The following SKP2 variants were observed in gnomAD, a reference collection of about 807,000 sequenced individuals.
The protein encoded by SKP2 is S-phase kinase-associated protein 2.
Under a neutral mutation model 51.8 loss-of-function variants are expected in SKP2, and 16 were observed. That is an observed-to-expected ratio of 0.31 (90% CI 0.21 to 0.47). The LOEUF (loss-of-function observed/expected upper bound fraction) is 0.47. SKP2 is among the 20% of genes least tolerant of loss of function. The pLI is 1.00. For missense variants in SKP2, 377 were observed against 505.3 expected, an observed-to-expected ratio of 0.75 and a Z score of 2.43; for synonymous variants, 176 against 198.6, an observed-to-expected ratio of 0.89 and a Z score of 0.96.
At chr5:36,170,901 T>C (rs1346285945) in intron 6 of SKP2, among the ~76,000 whole-genome samples, 1 of 152,196 alleles carries the variant, frequency 6.6e-6, no homozygotes, top group Non-Finnish European at 1.5e-5. Context: ...GTTACAGATA[T>C]TGCTAAGTGA....
chr5:36,165,318 C>T (rs774865671), intron 3 of SKP2, among the ~76,000 whole-genome samples: 7 of 152,108 alleles, frequency 4.6e-5, no homozygotes, highest in African/African-American at 7.2e-5. Flanking sequence ...TTATGCTTGG[C>T]TTAGGGTTCA....
chr5:36,183,667 TTAAC>T lies in SKP2; in HGVS notation c.*1638_*1641del. On this transcript the variant is annotated 3_prime_UTR_variant, in exon 10 of 10. Coordinates refer to ENST00000274255, the MANE Select transcript of SKP2 (RefSeq NM_005983.4). ...AAAAAGCTAACACCAGTCATTTATA[TTAAC>T]TTTTTTTTTTTAAATCAAAAATTGT... 1 of 1,246,296 alleles carries T rather than the reference TTAAC, an allele frequency of 8.0e-7. No homozygotes were observed. The highest frequency in any genetic ancestry group is 3.1e-4 in the Middle Eastern group (1 of 3,206). The allele number at this position is 1,246,296 out of a possible 1,614,324, so 77.2% of individuals were successfully genotyped here.
At position 36,182,091 on chromosome 5, in the gene SKP2, A is replaced by G. The variant is rs1745829787; in HGVS notation, c.*60A>G. ...ACAGGGAAAATAGGCAGGAAGCCCA[A>G]TTGCTGGAGTACTTAGCTAGTTTTA... On this transcript the variant is annotated 3_prime_UTR_variant, in exon 10 of 10. Coordinates refer to ENST00000274255, the MANE Select transcript of SKP2 (RefSeq NM_005983.4). 1 of 1,582,426 alleles carries G rather than the reference A, an allele frequency of 6.3e-7. No homozygotes were observed. The highest frequency in any genetic ancestry group is 8.6e-7 in the Non-Finnish European group (1 of 1,162,288).
At chr5:36,191,584 G>A (rs906748157) in intron 6 of SKP2, among the ~76,000 whole-genome samples, 1 of 152,024 alleles carries the variant, frequency 6.6e-6, no homozygotes, top group Non-Finnish European at 1.5e-5. Flanking sequence ...TTTATTTCTG[G>A]ATAAAGCGCT....
At chr5:36,173,298 A>G (rs1183414516) in intron 7 of SKP2, among the ~76,000 whole-genome samples, 1 of 152,182 alleles carries the variant, frequency 6.6e-6, no homozygotes. Context: ...CTTTAGATGC[A>G]TTTCTAAGGA....
chr5:36,154,540 A>C (rs1356781858), intron 2 of SKP2, among the ~76,000 whole-genome samples: 5 of 152,074 alleles, frequency 3.3e-5, no homozygotes, highest in Admixed American at 6.5e-5. Context: ...TCTTTTTTAA[A>C]TTTCATATTT....
intron 3 of SKP2, among the ~76,000 whole-genome samples, chr5:36,166,126 A>G (rs1561535309): frequency 6.6e-6 from 1 of 152,214 alleles, no homozygotes; most frequent in South Asian, 2.1e-4. Context: ...AAAAGTGTCA[A>G]ATAGATTTAA....
chr5:36,183,684 A>C lies in SKP2; in HGVS notation c.*1653A>C, dbSNP rs1394540486. 1 of 1,251,666 alleles carries C rather than the reference A, an allele frequency of 8.0e-7. No individual in the cohort carries two copies. The highest frequency in any genetic ancestry group is 1.0e-6 in the Non-Finnish European group (1 of 990,870). The allele number at this position is 1,251,666 out of a possible 1,614,324, so 77.5% of individuals were successfully genotyped here. A position where few individuals can be genotyped will look rare whatever the true frequency, so the allele number is the denominator to read the frequency against. ...CATTTATATTAACTTTTTTTTTTTA[A>C]ATCAAAAATTGTTAATGTTAGAAAC... On this transcript the variant is annotated 3_prime_UTR_variant, in exon 10 of 10. Transcript: ENST00000274255.
chr5:36,171,061 G>A (rs1437664621), intron 6 of SKP2, among the ~76,000 whole-genome samples: 2 of 152,192 alleles, frequency 1.3e-5, no homozygotes, highest in Non-Finnish European at 2.9e-5. Flanking sequence ...TGTTATCAGT[G>A]AGATCAAATG....
chr5:36,165,076 A>G (rs1215081551), intron 3 of SKP2, among the ~76,000 whole-genome samples: 2 of 152,184 alleles, frequency 1.3e-5, no homozygotes, highest in East Asian at 3.9e-4. Context: ...GTTAAACTTC[A>G]TCTCAGTTGT....
At chr5:36,154,576 C>T (rs1022399057) in intron 2 of SKP2, among the ~76,000 whole-genome samples, 2 of 152,126 alleles carry the variant, frequency 1.3e-5, no homozygotes, top group Non-Finnish European at 2.9e-5. Flanking sequence ...GCTCTGTTGC[C>T]CAGGCTGGAA....
intron 1 of SKP2, 100 bp from the exon 2 acceptor site, chr5:36,152,671 A>G: frequency 1.6e-6 from 2 of 1,266,024 alleles, no homozygotes; most frequent in Middle Eastern, 2.8e-4. Context: ...GCTGCTGTGA[A>G]GGTTTCCTAC....
chr5:36,177,967 C>T (rs1745687549), intron 9 of SKP2, among the ~76,000 whole-genome samples: 1 of 152,074 alleles, frequency 6.6e-6, no homozygotes, highest in African/African-American at 2.4e-5. Context: ...TTTACCTGCT[C>T]AGCAACTTCC....
chr5:36,152,330 G>T, intron 1 of SKP2, 60 bp downstream of exon 1: 1 of 1,479,028 alleles, frequency 6.8e-7, no homozygotes, highest in South Asian at 1.1e-5. Flanking sequence ...ATTCTTTTAG[G>T]CCGCGAATAT....
chr5:36,163,636 C>T lies in SKP2; in HGVS notation c.281-9C>T. ...ATGGTGATGGCAAACACTTGTTTTCCCTCCAAAGGTGTTTCATGGGACTCC... is the reference window on the plus strand; with the variant it reads ...ATGGTGATGGCAAACACTTGTTTTCTCTCCAAAGGTGTTTCATGGGACTCC... On this transcript the variant is annotated splice_polypyrimidine_tract_variant and intron_variant, in intron 2 of 9. Coordinates refer to ENST00000274255, the MANE Select transcript of SKP2 (RefSeq NM_005983.4). 6.4e-7 allele frequency: 1 copy of T among 1,570,834 alleles called. No individual in the cohort carries two copies.
At chr5:36,153,221 TA>T (rs1744812822) in intron 2 of SKP2, among the ~76,000 whole-genome samples, 179 bp downstream of exon 2, 1 of 8,412 alleles carries the variant, frequency 1.2e-4, no homozygotes, top group Admixed American at 1.2e-3. Flanking sequence ...TAGATATATA[TA>T]TATATATATA....
Position 36,183,993 on chromosome 5 carries a change from AC to A in SKP2, c.*1963del. ...TTGTATGTGATTTCTACTTTTATAG[AC>A]TTGTTTTAAAACAATAAAACACATT... is the stretch of plus-strand genomic sequence containing the variant. On this transcript the variant is annotated 3_prime_UTR_variant, in exon 10 of 10. Coordinates refer to ENST00000274255, the MANE Select transcript of SKP2 (RefSeq NM_005983.4). 6.3e-7 allele frequency: 1 copy of A among 1,580,616 alleles called. No homozygotes were observed. Among genetic ancestry groups the A allele is most frequent in the Non-Finnish European group, 8.7e-7 (1 of 1,155,378 alleles).
chr5:36,152,672 G>A (rs557745308), intron 1 of SKP2, 99 bp from the exon 2 acceptor site: 8 of 1,283,202 alleles, frequency 6.2e-6, no homozygotes, highest in South Asian at 5.6e-5. Flanking sequence ...CTGCTGTGAA[G>A]GTTTCCTACA....
chr5:36,187,926 G>A (rs1380333063), downstream of SKP2, among the ~76,000 whole-genome samples: 2 of 152,086 alleles, frequency 1.3e-5, no homozygotes, highest in Non-Finnish European at 2.9e-5. Context: ...CTCCTGTATT[G>A]GGTGCATATA....
Sources: allele counts gnomAD v4.1 joint callset (sites outside exome capture counted in the v4.1 genomes callset), GRCh38; gene constraint gnomAD v4.1.1; transcripts MANE v1.5; gene names NCBI Gene and HGNC (gene_info 2026-07-23, HGNC 2026-07-21).